TRMT61A: variants seen among roughly 807,000 people sequenced by gnomAD.
The protein encoded by TRMT61A is tRNA methyltransferase 61A.
In TRMT61A, 15 loss-of-function variants were observed where a neutral mutation model predicts 21.3. That is an observed-to-expected ratio of 0.70 (90% CI 0.47 to 1.08). The LOEUF (loss-of-function observed/expected upper bound fraction) is 1.08. Among genes scored for constraint, TRMT61A ranks in the 50% least tolerant of loss-of-function variants. The pLI is 0.00. For missense variants in TRMT61A, 352 were observed against 426.7 expected, an observed-to-expected ratio of 0.83 and a Z score of 1.54; for synonymous variants, 183 against 185.5, an observed-to-expected ratio of 0.99 and a Z score of 0.11.
intron 2 of TRMT61A, among the ~76,000 whole-genome samples, chr14:103,530,613 G>C (rs916843002): frequency 6.6e-6 from 1 of 152,184 alleles, no homozygotes; most frequent in Non-Finnish European, 1.5e-5. Context: ...GCTGTCCTAG[G>C]TACTGACCGT....
intron 2 of TRMT61A, among the ~76,000 whole-genome samples, chr14:103,532,156 G>C (rs142969105): frequency 1.3e-5 from 2 of 152,098 alleles, no homozygotes; most frequent in Non-Finnish European, 2.9e-5. Context: ...CACTGTTGAC[G>C]GGGATTGAGG....
At position 103,532,766 on chromosome 14, in the gene TRMT61A, C is replaced by T. The variant is rs978954240; in HGVS notation, c.516C>T (p.Ser172=). 6.3e-7 allele frequency: 1 copy of T among 1,585,138 alleles called. No homozygotes were observed. The highest frequency in any genetic ancestry group is 8.6e-7 in the Non-Finnish European group (1 of 1,166,298). ...QDVCRSGFGV[S]HVADAVFLDI... ...TGTGCCGCAGTGGCTTTGGCGTGAG[C>T]CACGTGGCCGACGCCGTCTTCCTGG... Residue 172 remains serine (S), a synonymous_variant, in exon 3 of 4, where the codon AGC becomes AGT. Coordinates refer to ENST00000389749, the MANE Select transcript of TRMT61A (RefSeq NM_152307.3).
chr14:103,533,419 AAAG>A (rs1377162333), intron 3 of TRMT61A, among the ~76,000 whole-genome samples: 6 of 152,188 alleles, frequency 3.9e-5, no homozygotes, highest in African/African-American at 7.2e-5. Context: ...ACCCCACCTC[AAAG>A]ATGAGCCGAG....
intron 2 of TRMT61A, among the ~76,000 whole-genome samples, chr14:103,532,308 G>A (rs1050434591): frequency 6.6e-6 from 1 of 152,162 alleles, no homozygotes; most frequent in Non-Finnish European, 1.5e-5. Context: ...ATAGGGCAGG[G>A]TTGCCACTGG....
intron 2 of TRMT61A, among the ~76,000 whole-genome samples, chr14:103,530,603 G>A (rs1356006400): frequency 6.6e-6 from 1 of 152,186 alleles, no homozygotes; most frequent in African/African-American, 2.4e-5. Context: ...GATGCTTGGC[G>A]CTGTCCTAGG....
Position 103,534,731 on chromosome 14 carries a change from C to A in TRMT61A, c.780C>A (p.Ser260=). ...LGTGTDGPAG[S]DTSPFRSGTP... ...CAGGCACAGATGGCCCTGCCGGCTCCGACACCAGCCCCTTCCGCAGCGGCA... is the reference window on the plus strand; with the variant it reads ...CAGGCACAGATGGCCCTGCCGGCTCAGACACCAGCCCCTTCCGCAGCGGCA... The change falls in exon 4 of 4, where the codon TCC becomes TCA. Residue 260 remains serine, a synonymous_variant. Transcript: ENST00000389749. The A allele has an allele frequency of 1.2e-6, 2 of 1,602,446 alleles. No homozygotes were observed. The highest frequency in any genetic ancestry group is 1.1e-5 in the South Asian group (1 of 90,416).
intron 2 of TRMT61A, 114 bp downstream of exon 2, chr14:103,530,423 C>A: frequency 1.0e-6 from 1 of 963,834 alleles, no homozygotes; most frequent in Non-Finnish European, 1.5e-6. Context: ...TCTATTTTCA[C>A]ATCTTTCCGG....
intron 3 of TRMT61A, 111 bp from the exon 4 acceptor site, chr14:103,534,439 G>C (rs1414945916): frequency 3.8e-6 from 5 of 1,309,242 alleles, no homozygotes; most frequent in Middle Eastern, 5.6e-4. Context: ...CTGTGTTGGG[G>C]CTGTCTTAGG....
chr14:103,532,859 G>T lies in TRMT61A; in HGVS notation c.598+11G>T. The T allele has an allele frequency of 6.5e-7, 1 of 1,538,062 alleles. No homozygotes were observed. On this transcript the variant is annotated intron_variant, in intron 3 of 3. Transcript: ENST00000389749. ...CCCTCAAGGTCGAAGGTGCATCCGG[G>T]GTTCCGGGAGAGGTACAGCCTGGGT...
In TRMT61A at chr14:103,530,293, T is replaced by G. The variant is rs540227381; in HGVS notation, c.315T>G (p.Ser105=). Residue 105 remains serine, a synonymous_variant, in exon 2 of 4, where the codon TCT becomes TCG. Coordinates refer to ENST00000389749, the MANE Select transcript of TRMT61A (RefSeq NM_152307.3). ...ITMMLELRPG[S]VVCESGTGSG... is the part of the protein sequence containing the mutation. The stretch of plus-strand genomic sequence containing the variant: ...TGATGTTGGAGCTTCGGCCCGGCTC[T>G]GTGGTCTGTGAGTCTGGTGAGTTCC... 1.3e-6 allele frequency: 2 copies of G among 1,586,548 alleles called. No homozygotes were observed. The highest frequency in any genetic ancestry group is 1.7e-6 in the Non-Finnish European group (2 of 1,158,510).
chr14:103,530,571 C>T (rs1036826303), intron 2 of TRMT61A, among the ~76,000 whole-genome samples: 2 of 152,196 alleles, frequency 1.3e-5, no homozygotes, highest in East Asian at 3.8e-4. Context: ...TCCTGCTTGC[C>T]TTGGTGGGGC....
rs1197117677 is a variant in TRMT61A at position 103,529,725 on chromosome 14, G to A, written c.-29-225G>A. On this transcript the variant is annotated intron_variant, in intron 1 of 3. Transcript: ENST00000389749. ...CTCAGTCTTTTCATCTCTGATTTAG[G>A]CTCATAGTCCCTGTCTCTTGTCCTA... is the stretch of plus-strand genomic sequence containing the variant. Among the ~76,000 whole-genome samples the A allele has an allele frequency of 3.3e-5, 5 of 152,336 alleles. No individual in the cohort carries two copies. The East Asian group carries it at 9.6e-4, about 29-fold the overall frequency.
At position 103,534,821 on chromosome 14, in the gene TRMT61A, G is replaced by A; in HGVS notation, c.870G>A (p.Ter290=). The change falls in exon 4 of 4, where the codon TAG becomes TAA. Residue 290 remains the stop codon, a stop_retained_variant. Coordinates refer to ENST00000389749, the MANE Select transcript of TRMT61A (RefSeq NM_152307.3). The stretch of plus-strand genomic sequence containing the variant: ...CCTTCGCCACCAAGACCCCAGGCTA[G>A]GGGGCCGCCTCCCAGGGCACCAGGG... ...YLTFATKTPG[*] 1 of 1,545,824 alleles carries A rather than the reference G, an allele frequency of 6.5e-7. No individual in the cohort carries two copies. The highest frequency in any genetic ancestry group is 1.9e-5 in the Admixed American group (1 of 51,696).
In TRMT61A at chr14:103,532,649, G is replaced by A. The variant is rs376240553; in HGVS notation, c.399G>A (p.Thr133=). The A allele has an allele frequency of 8.7e-6, 14 of 1,613,342 alleles. No individual in the cohort carries two copies. The highest frequency in any genetic ancestry group is 4.5e-5 in the East Asian group (2 of 44,894). The part of the protein sequence containing the change: ...RTIAPTGHLH[T]VEFHQQRAEK... ...TTGCACCCACGGGTCACCTGCACAC[G>A]GTGGAGTTCCACCAGCAGCGGGCAG... Residue 133 remains threonine, a synonymous_variant, in exon 3 of 4, where the codon ACG becomes ACA. Coordinates refer to ENST00000389749, the MANE Select transcript of TRMT61A (RefSeq NM_152307.3).
rs753230778 is a variant in TRMT61A, at chr14:103,530,133, G to T, written c.155G>T (p.Arg52Leu). 5 of 1,612,730 alleles carry T rather than the reference G, an allele frequency of 3.1e-6. No individual in the cohort carries two copies. The highest frequency in any genetic ancestry group is 4.2e-6 in the Non-Finnish European group (5 of 1,180,006). ...CGGCACTCAGTTGACCTTATCGGCC[G>T]CCCCTTCGGCTCCAAGGTGACGTGC... ...VLRHSVDLIG[R>L]PFGSKVTCGR... Residue 52 changes from arginine to leucine, a missense_variant, in exon 2 of 4, where the codon CGC becomes CTC. Arg to Leu is a moderately radical substitution (Grantham distance 102). Coordinates refer to ENST00000389749, the MANE Select transcript of TRMT61A (RefSeq NM_152307.3).
intron 3 of TRMT61A, 28 bp from the exon 4 acceptor site, chr14:103,534,522 T>C: frequency 6.5e-7 from 1 of 1,535,434 alleles, no homozygotes; most frequent in Middle Eastern, 1.9e-4. Context: ...ACCCCTGCCC[T>C]CTGACCCTCG....
At chr14:103,529,868 T>C (rs2296487) in intron 1 of TRMT61A, 82 bp from the exon 2 acceptor site, 271,179 of 1,039,926 alleles carry the variant, frequency 0.26, 38,011 homozygotes, top group East Asian at 0.3. Context: ...TGCTGGGATG[T>C]AGGCCTCGAA....
In TRMT61A at chr14:103,534,765, A is replaced by G. The variant is rs1260198552; in HGVS notation, c.814A>G (p.Lys272Glu). ...CCCCTTCCGCAGCGGCACGCCCATG[A>G]AGGAGGCCGTGGGCCACACCGGCTA... ...TSPFRSGTPM[K>E]EAVGHTGYLT... is the part of the protein sequence containing the mutation. Residue 272 changes from lysine (K) to glutamate (E), a missense_variant, in exon 4 of 4, where the codon AAG becomes GAG. By Grantham distance (56) the Lys-to-Glu change is moderately conservative. Coordinates refer to ENST00000389749, the MANE Select transcript of TRMT61A (RefSeq NM_152307.3). 1 of 1,580,104 alleles carries G rather than the reference A, an allele frequency of 6.3e-7. No individual in the cohort carries two copies. Among genetic ancestry groups the G allele is most frequent in the South Asian group, 1.1e-5 (1 of 88,108 alleles).
Position 103,535,705 on chromosome 14 carries a change from G to T in TRMT61A, c.*884G>T. The stretch of plus-strand genomic sequence containing the variant: ...AGTGACAACGGTGTGGGGTAGGGGA[G>T]GTGCATTCAGGACACCACCCAGGGA... On this transcript the variant is annotated 3_prime_UTR_variant, in exon 4 of 4. Coordinates refer to ENST00000389749, the MANE Select transcript of TRMT61A (RefSeq NM_152307.3). 1 of 260,416 alleles carries T rather than the reference G, an allele frequency of 3.8e-6. No individual in the cohort carries two copies. Among genetic ancestry groups the T allele is most frequent in the Non-Finnish European group, 7.7e-6 (1 of 130,102 alleles). 16.1% of individuals were successfully genotyped at this position (260,416 alleles called of 1,614,324 possible).
Sources: gnomAD v4.1 joint callset for allele counts (sites outside exome capture counted in the v4.1 genomes callset) on GRCh38, gnomAD v4.1.1 for gene constraint, MANE v1.5 for transcripts, NCBI Gene and HGNC (gene_info 2026-07-23, HGNC 2026-07-21) for gene names.